The following MYO16 variants were observed in gnomAD, a reference collection of about 807,000 sequenced individuals.
MYO16 encodes the protein myosin XVI.
MYO16 carries 94 observed loss-of-function variants against 205.3 expected under a neutral mutation model. That is an observed-to-expected ratio of 0.46 (90% CI 0.39 to 0.54). The LOEUF is 0.54. Ranked by LOEUF, MYO16 falls within the 20% of genes least tolerant of loss-of-function variation. The pLI is 0.00. For missense variants in MYO16, 2,315 were observed against 2,387.5 expected (o/e 0.97, Z 0.63); for synonymous variants, 988 against 954.0 (o/e 1.04, Z -0.66).
intron 34 of MYO16, chr13:109,201,574 A>G (rs1566561063): frequency 1.3e-5 from 2 of 151,108 alleles, no homozygotes; most frequent in Admixed American, 6.6e-5. Flanking sequence ...TGTTTGTCCA[A>G]GAACGTCTTT....
At chr13:108,777,587 G>T (rs1481495911) in intron 4 of MYO16, among the ~76,000 whole-genome samples, 1 of 152,148 alleles carries the variant, frequency 6.6e-6, no homozygotes, top group Non-Finnish European at 1.5e-5. Context: ...TGGCTGGAGG[G>T]TGTGCACCAC....
chr13:108,630,816 A>T (rs1879948008), intron 1 of MYO16, among the ~76,000 whole-genome samples: 1 of 152,230 alleles, frequency 6.6e-6, no homozygotes, highest in South Asian at 2.1e-4. Flanking sequence ...TAAAAAAATA[A>T]TGATGATTGA....
intron 1 of MYO16, among the ~76,000 whole-genome samples, chr13:108,651,545 T>C (rs1322990087): frequency 6.6e-6 from 1 of 152,196 alleles, no homozygotes; most frequent in African/African-American, 2.4e-5. Context: ...TTTTATGTCA[T>C]GTGTATTGGT....
intron 4 of MYO16, among the ~76,000 whole-genome samples, chr13:108,751,742 C>A (rs553471015): frequency 1.3e-5 from 2 of 152,290 alleles, no homozygotes; most frequent in African/African-American, 2.4e-5. Flanking sequence ...CTCTGTGAGA[C>A]ACCTCCAAAA....
chr13:109,148,713 G>T (rs910615038), intron 32 of MYO16, among the ~76,000 whole-genome samples: 2 of 152,188 alleles, frequency 1.3e-5, no homozygotes, highest in Non-Finnish European at 2.9e-5. Context: ...TGTCAGTGAC[G>T]TGGGAAAAGT....
chr13:108,588,913 T>C, the MYO16 span, among the ~76,000 whole-genome samples: 21 of 152,274 alleles, frequency 1.4e-4, no homozygotes, highest in East Asian at 4.0e-3. Context: ...TTTACTGCTG[T>C]ATAGTTTAGC....
At chr13:108,848,861 T>G (rs1213815158) in intron 10 of MYO16, among the ~76,000 whole-genome samples, 3 of 152,182 alleles carry the variant, frequency 2.0e-5, no homozygotes, top group Non-Finnish European at 2.9e-5. Context: ...AATGTTTCTT[T>G]TATTTTGTAT....
At chr13:108,940,012 T>C (rs2139312331) in intron 16 of MYO16, among the ~76,000 whole-genome samples, 1 of 152,306 alleles carries the variant, frequency 6.6e-6, no homozygotes, top group South Asian at 2.1e-4. Context: ...CATGCAATAA[T>C]GACTGATTAT....
rs5806774 is a variant in MYO16 at position 109,011,510 on chromosome 13, T to TG, written c.2595+2462dup. ...TTTTTCTTCCTTTCTTTTTTTTTTT[T>TG]GTTGTTATTTGTTTGTTTGTTTGAG... On this transcript the variant is annotated intron_variant, in intron 22 of 34. Coordinates refer to ENST00000457511, the MANE Select transcript of MYO16 (RefSeq NM_001198950.3). 3.5e-4 allele frequency among the ~76,000 whole-genome samples: 52 copies of TG among 147,216 alleles called. No homozygotes were observed. In the East Asian group the frequency reaches 8.9e-3, roughly 25 times the overall value.
chr13:108,686,254 T>C (rs982668876), intron 2 of MYO16, among the ~76,000 whole-genome samples: 1 of 152,224 alleles, frequency 6.6e-6, no homozygotes, highest in Non-Finnish European at 1.5e-5. Context: ...GTGTGGTCAA[T>C]GTGTGATTCG....
At chr13:108,978,869 A>G (rs1371226424) in intron 20 of MYO16, among the ~76,000 whole-genome samples, 1 of 152,026 alleles carries the variant, frequency 6.6e-6, no homozygotes, top group Non-Finnish European at 1.5e-5. Flanking sequence ...TTTAAAATGT[A>G]TATTATAGAT....
intron 15 of MYO16, among the ~76,000 whole-genome samples, chr13:108,904,701 GA>G (rs1022074345): frequency 1.3e-5 from 2 of 151,236 alleles, no homozygotes; most frequent in Admixed American, 6.6e-5. Context: ...TCTCCTTCAA[GA>G]AAAAAAAAGT....
At chr13:108,500,413 A>G in the MYO16 span, among the ~76,000 whole-genome samples, 1 of 151,070 alleles carries the variant, frequency 6.6e-6, no homozygotes, top group Non-Finnish European at 1.5e-5. Context: ...TATTTTTAGT[A>G]GAGATGGGGT....
At chr13:108,915,242 AAAC>A (rs1223916744) in intron 16 of MYO16, among the ~76,000 whole-genome samples, 3 of 152,232 alleles carry the variant, frequency 2.0e-5, no homozygotes, top group Non-Finnish European at 2.9e-5. Context: ...CAGATTATTA[AAAC>A]AACAAGAAAA....
intron 15 of MYO16, 34 bp from the exon 16 acceptor site, chr13:108,909,969 C>A: frequency 6.3e-7 from 1 of 1,592,676 alleles, no homozygotes; most frequent in South Asian, 1.1e-5. Flanking sequence ...TGAATACTGC[C>A]ATTTAACAGA....
At chr13:108,549,590 T>C in the MYO16 span, among the ~76,000 whole-genome samples, 4 of 151,900 alleles carry the variant, frequency 2.6e-5, no homozygotes, top group African/African-American at 9.7e-5. Context: ...TGTAAGTAAA[T>C]GAAAGATAGA....
chr13:109,023,100 A>C (rs1566467183), intron 23 of MYO16, among the ~76,000 whole-genome samples: 1 of 132,784 alleles, frequency 7.5e-6, no homozygotes, highest in Non-Finnish European at 1.5e-5. Flanking sequence ...AAATATGTTT[A>C]TATATTGTAT....
intron 1 of MYO16, among the ~76,000 whole-genome samples, chr13:108,607,750 C>T (rs2139311355): frequency 6.6e-6 from 1 of 152,304 alleles, no homozygotes; most frequent in African/African-American, 2.4e-5. Flanking sequence ...CCTCCACTGC[C>T]TCTTGTGGAG....
chr13:108,674,959 T>C (rs1324495047), intron 2 of MYO16, among the ~76,000 whole-genome samples: 1 of 152,124 alleles, frequency 6.6e-6, no homozygotes, highest in East Asian at 1.9e-4. Context: ...TGTTCCAGAG[T>C]GGCACCAAGC....
Sources: gnomAD v4.1 joint callset for allele counts (sites outside exome capture counted in the v4.1 genomes callset) on GRCh38, gnomAD v4.1.1 for gene constraint, MANE v1.5 for transcripts, NCBI Gene and HGNC (gene_info 2026-07-23, HGNC 2026-07-21) for gene names.